The following DENND1B variants were observed in gnomAD, a reference collection of about 807,000 sequenced individuals.
The protein encoded by DENND1B is DENN domain-containing protein 1B.
Under a neutral mutation model 90.1 loss-of-function variants are expected in DENND1B, and 59 were observed. The observed-to-expected ratio is 0.65, with a 90% CI of 0.53 to 0.81. The LOEUF (loss-of-function observed/expected upper bound fraction) is 0.81. DENND1B is among the 40% of genes least tolerant of loss of function. DENND1B has a pLI of 0.00. For missense variants in DENND1B, 862 were observed against 912.6 expected (o/e 0.94, Z 0.71); for synonymous variants, 337 against 324.6 (o/e 1.04, Z -0.41).
chr1:197,683,905 A>T (rs1320585418), intron 3 of DENND1B, among the ~76,000 whole-genome samples: 1 of 152,208 alleles, frequency 6.6e-6, no homozygotes, highest in Non-Finnish European at 1.5e-5. Context: ...AGAAAGCTCT[A>T]TTTGTTACAG....
At chr1:197,541,812 T>C (rs1179502410) in intron 18 of DENND1B, among the ~76,000 whole-genome samples, 1 of 152,226 alleles carries the variant, frequency 6.6e-6, no homozygotes, top group African/African-American at 2.4e-5. Context: ...GTAAGATTAG[T>C]ACTACTATGA....
At chr1:197,700,449 T>C (rs1457977959) in intron 3 of DENND1B, among the ~76,000 whole-genome samples, 1 of 152,106 alleles carries the variant, frequency 6.6e-6, no homozygotes, top group Non-Finnish European at 1.5e-5. Context: ...TTACACCTTA[T>C]ACAAAAATTA....
At chr1:197,659,527 G>T (rs1452055122) in intron 5 of DENND1B, among the ~76,000 whole-genome samples, 3 of 151,894 alleles carry the variant, frequency 2.0e-5, no homozygotes, top group Middle Eastern at 3.5e-3. Flanking sequence ...CTAACATATT[G>T]ACTGTATGTA....
intron 13 of DENND1B, among the ~76,000 whole-genome samples, 191 bp from the exon 14 acceptor site, chr1:197,595,524 G>GT (rs1189513256): frequency 1.3e-5 from 2 of 152,092 alleles, no homozygotes; most frequent in Non-Finnish European, 2.9e-5. Flanking sequence ...GGAGAGGAGA[G>GT]TAACGTGCTA....
At chr1:197,762,400 G>A (rs1210272611) in intron 2 of DENND1B, among the ~76,000 whole-genome samples, 1 of 152,210 alleles carries the variant, frequency 6.6e-6, no homozygotes, top group East Asian at 1.9e-4. Flanking sequence ...CTGAGTAGCT[G>A]AGACTACAGG....
intron 14 of DENND1B, among the ~76,000 whole-genome samples, chr1:197,586,737 T>C (rs1196100055): frequency 6.6e-6 from 1 of 152,102 alleles, no homozygotes; most frequent in African/African-American, 2.4e-5. Flanking sequence ...AGGAAAAAGG[T>C]ATTAAAGAAA....
At chr1:197,633,083 G>C (rs762107479) in intron 10 of DENND1B, among the ~76,000 whole-genome samples, 4 of 152,164 alleles carry the variant, frequency 2.6e-5, no homozygotes, top group Non-Finnish European at 5.9e-5. Flanking sequence ...TTCTAGCTGA[G>C]GGTGAGAGAA....
At position 197,611,893 on chromosome 1, in the gene DENND1B, T is replaced by C. The variant is rs756657266; in HGVS notation, c.819+38A>G. On this transcript the variant is annotated intron_variant, in intron 12 of 22. Coordinates refer to ENST00000620048, the MANE Select transcript of DENND1B (RefSeq NM_001195215.2). ...ACTGTTTTAACTATTATTTTATGAGTTAATTTTATCACTGTCTCATGTCTG... is the reference window on the plus strand; with the variant it reads ...ACTGTTTTAACTATTATTTTATGAGCTAATTTTATCACTGTCTCATGTCTG... 119 of 1,572,854 alleles carry C rather than the reference T, an allele frequency of 7.6e-5. 6 individuals are homozygous for C. The South Asian group carries it at 1.3e-3, about 17-fold the overall frequency.
At chr1:197,641,701 T>C (rs892379027) in intron 10 of DENND1B, among the ~76,000 whole-genome samples, 2 of 152,150 alleles carry the variant, frequency 1.3e-5, no homozygotes, top group African/African-American at 4.8e-5. Flanking sequence ...ATCAAAAGAC[T>C]CAATTTCACA....
intron 16 of DENND1B, 81 bp from the exon 17 acceptor site, chr1:197,546,854 T>C: frequency 7.8e-7 from 1 of 1,288,526 alleles, no homozygotes; most frequent in Non-Finnish European, 1.1e-6. Flanking sequence ...GAACTAGTAT[T>C]TGCACAATTT....
chr1:197,524,152 AG>A (rs1378861874), intron 20 of DENND1B, among the ~76,000 whole-genome samples: 2 of 152,140 alleles, frequency 1.3e-5, no homozygotes, highest in Non-Finnish European at 2.9e-5. Flanking sequence ...GAAACAAAAC[AG>A]AGCATCCAAG....
chr1:197,644,218 T>C (rs1258311194), intron 9 of DENND1B, among the ~76,000 whole-genome samples: 1 of 152,212 alleles, frequency 6.6e-6, no homozygotes, highest in African/African-American at 2.4e-5. Flanking sequence ...AATTTTTAGA[T>C]GGGGAATTAT....
In DENND1B at chr1:197,775,432, T is replaced by C. The variant is rs555361367; in HGVS notation, c.-277A>G. On this transcript the variant is annotated 5_prime_UTR_variant, in exon 1 of 23. Transcript: ENST00000620048. Reference sequence around the variant, plus strand: ...TAGCCGCCACCAAAGCTGAGGCCTCTCAGTTCCTGCGACCGGGGCCGCCCG... The same window carrying C: ...TAGCCGCCACCAAAGCTGAGGCCTCCCAGTTCCTGCGACCGGGGCCGCCCG... 2 of 300,404 alleles carry C rather than the reference T, an allele frequency of 6.7e-6. No homozygotes were observed. Among genetic ancestry groups the C allele is most frequent in the South Asian group, 1.6e-4 (1 of 6,210 alleles). The allele number at this position is 300,404 out of a possible 1,614,324, so 18.6% of individuals were successfully genotyped here.
chr1:197,701,098 T>C (rs1003433590), intron 3 of DENND1B, among the ~76,000 whole-genome samples: 1 of 152,266 alleles, frequency 6.6e-6, no homozygotes, highest in African/African-American at 2.4e-5. Flanking sequence ...CAAAGGAATA[T>C]AAATCATTCT....
chr1:197,587,186 A>G (rs1053071372), intron 14 of DENND1B, among the ~76,000 whole-genome samples: 3 of 152,228 alleles, frequency 2.0e-5, no homozygotes, highest in Admixed American at 6.5e-5. Flanking sequence ...ACTTACAGAA[A>G]ACGACTTATG....
In DENND1B at chr1:197,505,688, T is replaced by C. The variant is rs1054138711; in HGVS notation, c.*4772A>G. 1 of 132,962 alleles carries C rather than the reference T, an allele frequency of 7.5e-6. No individual in the cohort carries two copies. Among genetic ancestry groups the C allele is most frequent in the Non-Finnish European group, 1.6e-5 (1 of 61,458 alleles). 8.2% of individuals were successfully genotyped at this position (132,962 alleles called of 1,614,324 possible). A position where few individuals can be genotyped will look rare whatever the true frequency, so the allele number is the denominator to read the frequency against. ...GTAGAAATCTATAGAAGCTCTAAGA[T>C]TAAACAAACTGTACATCATACAAAA... On this transcript the variant is annotated 3_prime_UTR_variant, in exon 23 of 23. Coordinates refer to ENST00000620048, the MANE Select transcript of DENND1B (RefSeq NM_001195215.2).
intron 2 of DENND1B, among the ~76,000 whole-genome samples, chr1:197,751,779 G>A (rs1653551360): frequency 6.6e-6 from 1 of 151,872 alleles, no homozygotes. Context: ...AGGAGGCGGA[G>A]GTTGCAGTGA....
At chr1:197,514,519 G>T (rs1668263777) in intron 20 of DENND1B, among the ~76,000 whole-genome samples, 1 of 151,530 alleles carries the variant, frequency 6.6e-6, no homozygotes, top group South Asian at 2.1e-4. Flanking sequence ...GCTATAACTT[G>T]AAATATTCCC....
chr1:197,510,279 T>C lies in DENND1B; in HGVS notation c.*181A>G. 1.5e-6 allele frequency: 1 copy of C among 677,602 alleles called. No homozygotes were observed. The highest frequency in any genetic ancestry group is 2.3e-5 in the South Asian group (1 of 44,062). 42.0% of individuals were successfully genotyped at this position (677,602 alleles called of 1,614,324 possible). On this transcript the variant is annotated 3_prime_UTR_variant, in exon 23 of 23. Transcript: ENST00000620048. Reference sequence around the variant, plus strand: ...TACCTGATTTAAAAGCACAGTAGAATTCGCTTTATATTTAAAAATCAATGC... The same window carrying C: ...TACCTGATTTAAAAGCACAGTAGAACTCGCTTTATATTTAAAAATCAATGC...
Sources: allele counts gnomAD v4.1 joint callset (sites outside exome capture counted in the v4.1 genomes callset), GRCh38; gene constraint gnomAD v4.1.1; transcripts MANE v1.5; gene names NCBI Gene and HGNC (gene_info 2026-07-23, HGNC 2026-07-21).